Variants in MSR1 observed in about 807,000 individuals in gnomAD.
MSR1 encodes macrophage scavenger receptor 1, also known as macrophage scavenger receptor types I and II.
A neutral mutation model predicts 47.2 loss-of-function variants in MSR1; 53 were observed. The observed-to-expected ratio is 1.12, with a 90% CI of 0.90 to 1.41. MSR1 has a LOEUF of 1.41. Among genes scored for constraint, MSR1 ranks in the 40% most tolerant of loss-of-function variants. The pLI, the probability that MSR1 is intolerant of heterozygous loss-of-function variation, is 0.00. For synonymous variants in MSR1, 239 were observed against 185.6 expected, an observed-to-expected ratio of 1.29 and a Z score of -2.34; for missense variants, 786 against 546.9, an observed-to-expected ratio of 1.44 and a Z score of -4.36.
chr8:16,143,724 T>G, intron 7 of MSR1, 113 bp from the exon 8 acceptor site: 1 of 752,030 alleles, frequency 1.3e-6, no homozygotes, highest in East Asian at 2.7e-5. Flanking sequence ...GGACAGATAT[T>G]GAAATGTATA....
chr8:16,186,033 C>T (rs1320998615), intron 1 of MSR1: 4 of 784,080 alleles, frequency 5.1e-6, no homozygotes, highest in Admixed American at 2.6e-5. Context: ...CCATAACCTG[C>T]CACATAGAAT....
chr8:16,110,011 G>T lies in MSR1; in HGVS notation c.*74C>A. 2.6e-6 allele frequency: 4 copies of T among 1,558,838 alleles called. No homozygotes were observed. Among genetic ancestry groups the T allele is most frequent in the Non-Finnish European group, 3.5e-6 (4 of 1,133,978 alleles). On this transcript the variant is annotated 3_prime_UTR_variant, in exon 10 of 10. Transcript: ENST00000262101. ...TTAATCTCTTAAATATTGATTAAAT[G>T]GATTTTACAGGAACAAGGTAATAAA...
intron 1 of MSR1, among the ~76,000 whole-genome samples, chr8:16,189,089 C>T (rs950667529): frequency 7.1e-6 from 1 of 141,102 alleles, no homozygotes; most frequent in African/African-American, 2.6e-5. Context: ...CATATATACG[C>T]AAAACCTTAT....
intron 8 of MSR1, among the ~76,000 whole-genome samples, chr8:16,138,279 G>A (rs1417929964): frequency 1.3e-5 from 2 of 152,122 alleles, no homozygotes; most frequent in Admixed American, 6.6e-5. Context: ...CCTCACACAA[G>A]TGTTGTATTG....
chr8:16,185,354 T>C (rs1210433354), intron 1 of MSR1, among the ~76,000 whole-genome samples: 1 of 152,146 alleles, frequency 6.6e-6, no homozygotes, highest in Non-Finnish European at 1.5e-5. Flanking sequence ...AGCTTTTGTT[T>C]TACATAACAC....
chr8:16,124,728 A>G (rs1800090267), intron 8 of MSR1, among the ~76,000 whole-genome samples: 1 of 152,120 alleles, frequency 6.6e-6, no homozygotes, highest in African/African-American at 2.4e-5. Context: ...TCCCCAGTAG[A>G]CTGAAAGAAA....
At chr8:16,110,360 G>C (rs890610232) in intron 9 of MSR1, 142 bp from the exon 10 acceptor site, 5 of 911,504 alleles carry the variant, frequency 5.5e-6, no homozygotes, top group Non-Finnish European at 8.6e-6. Context: ...CTCTCTAGTA[G>C]GAATCAAAAA....
At chr8:16,184,876 T>C (rs565325456) in intron 1 of MSR1, among the ~76,000 whole-genome samples, 63 of 152,188 alleles carry the variant, frequency 4.1e-4, no homozygotes, top group African/African-American at 1.4e-3. Flanking sequence ...GTGGTTACCT[T>C]GGGAAGATTT....
chr8:16,123,964 A>G, intron 8 of MSR1, among the ~76,000 whole-genome samples: 1 of 152,122 alleles, frequency 6.6e-6, no homozygotes. Context: ...TGTTCACTTG[A>G]TAGAACATGT....
chr8:16,116,959 A>C (rs761788734), intron 9 of MSR1, among the ~76,000 whole-genome samples: 3 of 152,110 alleles, frequency 2.0e-5, no homozygotes, highest in Non-Finnish European at 4.4e-5. Context: ...TACATATACT[A>C]CTACTGTTGC....
intron 8 of MSR1, among the ~76,000 whole-genome samples, chr8:16,125,965 A>C (rs17677191): frequency 6.6e-6 from 1 of 152,216 alleles, no homozygotes; most frequent in South Asian, 2.1e-4. Flanking sequence ...AATACTTGTA[A>C]TCAAGATGGT....
At chr8:16,183,679 A>C (rs1394357155) in intron 1 of MSR1, among the ~76,000 whole-genome samples, 1 of 133,998 alleles carries the variant, frequency 7.5e-6, no homozygotes, top group Non-Finnish European at 1.5e-5. Context: ...TATATTATAA[A>C]TATATATTTC....
chr8:16,131,246 A>G (rs1180524010), intron 8 of MSR1, among the ~76,000 whole-genome samples: 1 of 152,114 alleles, frequency 6.6e-6, no homozygotes, highest in African/African-American at 2.4e-5. Context: ...AGTGATGTTG[A>G]ACATTTTTGC....
chr8:16,146,752 C>G (rs1050912369), intron 7 of MSR1, among the ~76,000 whole-genome samples: 2 of 151,988 alleles, frequency 1.3e-5, no homozygotes, highest in Non-Finnish European at 2.9e-5. Context: ...TATGCTATGC[C>G]CCTTCTCTTT....
chr8:16,119,370 C>T (rs930576515), intron 9 of MSR1, among the ~76,000 whole-genome samples: 1 of 152,054 alleles, frequency 6.6e-6, no homozygotes, highest in African/African-American at 2.4e-5. Context: ...GGATTACCGG[C>T]GTGCACCACC....
chr8:16,170,533 C>T (rs920513655), intron 3 of MSR1, among the ~76,000 whole-genome samples: 9 of 152,038 alleles, frequency 5.9e-5, no homozygotes, highest in South Asian at 2.1e-4. Context: ...TAAGATTTTC[C>T]GCATTTGACA....
At chr8:16,152,101 C>T (rs998796655) in intron 6 of MSR1, among the ~76,000 whole-genome samples, 4 of 151,958 alleles carry the variant, frequency 2.6e-5, no homozygotes. Flanking sequence ...CCTCATCCTC[C>T]TCCTCAGTAA....
intron 8 of MSR1, among the ~76,000 whole-genome samples, chr8:16,138,617 G>A (rs1379999484): frequency 6.6e-6 from 1 of 152,082 alleles, no homozygotes; most frequent in African/African-American, 2.4e-5. Context: ...CAGCATCTCT[G>A]GGACCGAGGC....
intron 8 of MSR1, chr8:16,140,106 T>G (rs1277666976): frequency 7.2e-6 from 7 of 977,702 alleles, no homozygotes; most frequent in African/African-American, 1.8e-5. Flanking sequence ...TGAATGGATT[T>G]TCTTCTATGA....
Sources: gnomAD v4.1 joint callset for allele counts (sites outside exome capture counted in the v4.1 genomes callset) on GRCh38, gnomAD v4.1.1 for gene constraint, MANE v1.5 for transcripts, NCBI Gene and HGNC (gene_info 2026-07-23, HGNC 2026-07-21) for gene names.